Variants in WDFY1 observed in about 807,000 individuals in gnomAD.
WDFY1 encodes the protein WD repeat and FYVE domain-containing protein 1.
Under a neutral mutation model 56.4 loss-of-function variants are expected in WDFY1, and 32 were observed. The ratio of observed to expected loss-of-function variants is 0.57; its 90% confidence interval spans 0.43 to 0.76. The LOEUF (loss-of-function observed/expected upper bound fraction) is 0.76, where lower values mean the gene tolerates loss of function less well. Ranked by LOEUF, WDFY1 falls within the 30% of genes least tolerant of loss-of-function variation. The pLI, the probability that WDFY1 is intolerant of heterozygous loss-of-function variation, is 0.00. For synonymous variants in WDFY1, 192 were observed against 197.3 expected (o/e 0.97, Z 0.23); for missense variants, 480 against 545.7 (o/e 0.88, Z 1.20).
At chr2:223,903,470 C>T (rs903171502) in intron 4 of WDFY1, among the ~76,000 whole-genome samples, 1 of 151,552 alleles carries the variant, frequency 6.6e-6, no homozygotes, top group Non-Finnish European at 1.5e-5. Flanking sequence ...TTGCAGTGAG[C>T]CAAGATCGTG....
At chr2:223,934,017 A>G (rs1363362532) in intron 1 of WDFY1, among the ~76,000 whole-genome samples, 1 of 149,162 alleles carries the variant, frequency 6.7e-6, no homozygotes, top group Non-Finnish European at 1.5e-5. Context: ...AAGTCTTAAA[A>G]CACAAATTAA....
intron 1 of WDFY1, among the ~76,000 whole-genome samples, chr2:223,940,644 TC>T (rs1689285859): frequency 7.6e-6 from 1 of 131,416 alleles, no homozygotes; most frequent in African/African-American, 2.5e-5. Context: ...CTTATTTCTT[TC>T]TTTTTTTTTT....
Position 223,938,795 on chromosome 2 carries a change from T to C in WDFY1, c.137+6353A>G, listed in dbSNP as rs555255992. On this transcript the variant is annotated intron_variant, in intron 1 of 11. Transcript: ENST00000233055. ...AGTGAACTAGGTGGCTATCTGTGAA[T>C]GACCCCAGGTAAATATATCCCAGAA... 2.6e-5 allele frequency among the ~76,000 whole-genome samples: 4 copies of C among 151,502 alleles called. No individual in the cohort carries two copies. The South Asian group carries it at 8.4e-4, about 32-fold the overall frequency.
intron 2 of WDFY1, among the ~76,000 whole-genome samples, chr2:223,913,286 T>C (rs1693735798): frequency 6.6e-6 from 1 of 151,674 alleles, no homozygotes; most frequent in Admixed American, 6.6e-5. Flanking sequence ...TAAAGTTCTC[T>C]CTCTCTAGTA....
At position 223,881,450 on chromosome 2, in the gene WDFY1, T is replaced by C. The variant is rs112845830; in HGVS notation, c.1064+492A>G. On this transcript the variant is annotated intron_variant, in intron 10 of 11. Coordinates refer to ENST00000233055, the MANE Select transcript of WDFY1 (RefSeq NM_020830.5). Reference sequence around the variant, plus strand: ...AGTCAGAGGGGCAACTTAAGATGCATAGTCATGGTCTTAAGTCATAAAGCT... The same window carrying C: ...AGTCAGAGGGGCAACTTAAGATGCACAGTCATGGTCTTAAGTCATAAAGCT... 9.2e-3 allele frequency among the ~76,000 whole-genome samples: 1,407 copies of C among 152,268 alleles called. 20 individuals carry two copies. Among genetic ancestry groups the C allele is most frequent in the African/African-American group, 0.032 (1,311 of 41,552 alleles).
chr2:223,895,767 G>A, intron 6 of WDFY1, 137 bp from the exon 7 acceptor site: 1 of 1,177,192 alleles, frequency 8.5e-7, no homozygotes, highest in South Asian at 1.5e-5. Context: ...GTATCTTCAT[G>A]GTGTACAACG....
At chr2:223,941,003 G>A (rs1689295183) in intron 1 of WDFY1, among the ~76,000 whole-genome samples, 1 of 152,074 alleles carries the variant, frequency 6.6e-6, no homozygotes. Context: ...TGTATTTTTA[G>A]TAGAGATGGG....
intron 3 of WDFY1, among the ~76,000 whole-genome samples, chr2:223,909,646 ATAC>A (rs1271790070): frequency 6.6e-6 from 1 of 151,932 alleles, no homozygotes; most frequent in African/African-American, 2.4e-5. Flanking sequence ...TCAGCGAACA[ATAC>A]TACTTCCTAC....
chr2:223,878,317 T>C lies in WDFY1; in HGVS notation c.*354A>G, dbSNP rs182758204. 1.1e-4 allele frequency: 19 copies of C among 169,558 alleles called. No individual in the cohort carries two copies. The highest frequency in any genetic ancestry group is 3.1e-4 in the Admixed American group (5 of 15,956). The allele number at this position is 169,558 out of a possible 1,614,324, so 10.5% of individuals were successfully genotyped here. A position where few individuals can be genotyped will look rare whatever the true frequency, so the allele number is the denominator to read the frequency against. The stretch of plus-strand genomic sequence containing the variant: ...CTAGGCTAAGTGAAGTGTCTGTACT[T>C]GTGACTGCTTTGAGAAGGTTCTAAG... On this transcript the variant is annotated 3_prime_UTR_variant, in exon 12 of 12. Coordinates refer to ENST00000233055, the MANE Select transcript of WDFY1 (RefSeq NM_020830.5).
In WDFY1 at chr2:223,914,286, C is replaced by G. The variant is rs570249327; in HGVS notation, c.206-1960G>C. 5.9e-5 allele frequency among the ~76,000 whole-genome samples: 9 copies of G among 152,098 alleles called. No individual in the cohort carries two copies. In the South Asian group the frequency reaches 1.7e-3, roughly 28 times the overall value. ...TGCTGGGAATACAGGCATGAGCCAC[C>G]ATGCCCAGCCAAGTCAATGAACTTT... On this transcript the variant is annotated intron_variant, in intron 2 of 11. Coordinates refer to ENST00000233055, the MANE Select transcript of WDFY1 (RefSeq NM_020830.5).
At chr2:223,896,373 G>A (rs1051180877) in intron 6 of WDFY1, among the ~76,000 whole-genome samples, 1 of 152,002 alleles carries the variant, frequency 6.6e-6, no homozygotes, top group Non-Finnish European at 1.5e-5. Context: ...GGGTCTCTGG[G>A]ACATGGCAGG....
At chr2:223,937,056 T>A (rs1694177920) in intron 1 of WDFY1, among the ~76,000 whole-genome samples, 1 of 152,192 alleles carries the variant, frequency 6.6e-6, no homozygotes, top group Non-Finnish European at 1.5e-5. Context: ...TTCTAGTGAA[T>A]CAATGAACCC....
intron 1 of WDFY1, among the ~76,000 whole-genome samples, chr2:223,926,096 C>A (rs1693973876): frequency 6.6e-6 from 1 of 152,186 alleles, no homozygotes; most frequent in African/African-American, 2.4e-5. Context: ...AGGTTTTCAA[C>A]TTACTTTGCC....
rs559611817 is a variant in WDFY1 at position 223,919,049 on chromosome 2, C to T, written c.138-1039G>A. Among the ~76,000 whole-genome samples, 3 of 152,354 alleles carry T rather than the reference C, an allele frequency of 2.0e-5. No individual in the cohort carries two copies. In the South Asian group the frequency reaches 6.2e-4, roughly 32 times the overall value. On this transcript the variant is annotated intron_variant, in intron 1 of 11. Coordinates refer to ENST00000233055, the MANE Select transcript of WDFY1 (RefSeq NM_020830.5). ...AACAATGGGAGTCCTGCAGTTCCTGCTCCTGCACTCTCAGGGCCTCTGGGC... is the reference window on the plus strand; with the variant it reads ...AACAATGGGAGTCCTGCAGTTCCTGTTCCTGCACTCTCAGGGCCTCTGGGC...
At chr2:223,920,378 C>A (rs1693868686) in intron 1 of WDFY1, among the ~76,000 whole-genome samples, 1 of 152,066 alleles carries the variant, frequency 6.6e-6, no homozygotes, top group Admixed American at 6.5e-5. Context: ...TCCCTGGTGG[C>A]CAAAACATAG....
chr2:223,926,644 ATATGTGCGTG>A (rs1559173932), intron 1 of WDFY1, among the ~76,000 whole-genome samples: 3 of 119,280 alleles, frequency 2.5e-5, no homozygotes, highest in African/African-American at 1.0e-4. Flanking sequence ...ATATATACAA[ATATGTGCGTG>A]TGTGTGTGTG....
chr2:223,915,698 C>T (rs1262743668), intron 2 of WDFY1, among the ~76,000 whole-genome samples: 1 of 152,184 alleles, frequency 6.6e-6, no homozygotes, highest in Non-Finnish European at 1.5e-5. Flanking sequence ...GATACGCGTT[C>T]CTCAGGCTGT....
At chr2:223,929,164 CTTT>C (rs1553538007) in intron 1 of WDFY1, among the ~76,000 whole-genome samples, 2 of 127,758 alleles carry the variant, frequency 1.6e-5, no homozygotes, top group Non-Finnish European at 3.3e-5. Flanking sequence ...TGTCTAACTT[CTTT>C]TTTTTTTTCT....
intron 3 of WDFY1, among the ~76,000 whole-genome samples, chr2:223,910,874 T>C (rs1693686778): frequency 6.6e-6 from 1 of 152,154 alleles, no homozygotes. Context: ...ACAAGTTCAA[T>C]ATAGTCACCA....
Sources: allele counts gnomAD v4.1 joint callset (sites outside exome capture counted in the v4.1 genomes callset), GRCh38; gene constraint gnomAD v4.1.1; transcripts MANE v1.5; gene names NCBI Gene and HGNC (gene_info 2026-07-23, HGNC 2026-07-21).